The following SF3A3 variants were observed in gnomAD, a reference collection of about 807,000 sequenced individuals.
The protein encoded by SF3A3 is splicing factor 3a subunit 3, also known as SAP 61.
In SF3A3, 9 loss-of-function variants were observed where a neutral mutation model predicts 85.8. The ratio of observed to expected loss-of-function variants is 0.10; its 90% CI spans 0.06 to 0.18. The LOEUF (loss-of-function observed/expected upper bound fraction) is 0.18. SF3A3 is among the 10% of genes least tolerant of loss of function. The pLI, the probability that SF3A3 is intolerant of heterozygous loss-of-function variation, is 1.00. For synonymous variants in SF3A3, 195 were observed against 204.4 expected (o/e 0.95, Z 0.39); for missense variants, 306 against 593.3 (o/e 0.52, Z 5.03).
At chr1:37,984,900 C>T (rs996524919) in intron 4 of SF3A3, 121 bp from the exon 5 acceptor site, 84 of 731,960 alleles carry the variant, frequency 1.1e-4, no homozygotes, top group African/African-American at 1.0e-3. Context: ...CTCTACCTCC[C>T]GGGTTCAAGC....
chr1:37,974,555 G>A (rs1440690269), intron 12 of SF3A3, among the ~76,000 whole-genome samples: 1 of 151,972 alleles, frequency 6.6e-6, no homozygotes, highest in African/African-American at 2.4e-5. Flanking sequence ...GCCCGCCTTG[G>A]CCTCACAAAG....
At chr1:37,985,418 T>G (rs932355228) in intron 4 of SF3A3, among the ~76,000 whole-genome samples, 3 of 151,908 alleles carry the variant, frequency 2.0e-5, no homozygotes, top group Non-Finnish European at 4.4e-5. Context: ...GGGAGTTTTT[T>G]TTTTAAATCC....
chr1:37,987,564 A>G lies in SF3A3; in HGVS notation c.303+9T>C. ...TAGGTCTGGAGAAAATACTTTTCTG[A>G]GGACATACCTCATTTGGGTGCTTCC... On this transcript the variant is annotated intron_variant, in intron 4 of 16. Transcript: ENST00000373019. 6.3e-7 allele frequency: 1 copy of G among 1,591,306 alleles called. No homozygotes were observed. Among genetic ancestry groups the G allele is most frequent in the African/African-American group, 1.3e-5 (1 of 74,584 alleles).
In SF3A3 at chr1:37,970,698, G is replaced by A. The variant is rs180723030; in HGVS notation, c.1006-963C>T. The stretch of plus-strand genomic sequence containing the variant: ...CAGTCAAACTAGAACTCAGGATTAA[G>A]AAACTCACTCAAAACCGCTCAACTA... On this transcript the variant is annotated intron_variant, in intron 12 of 16. Coordinates refer to ENST00000373019, the MANE Select transcript of SF3A3 (RefSeq NM_006802.4). Among the ~76,000 whole-genome samples the A allele has an allele frequency of 1.5e-3, 234 of 152,264 alleles. 1 individual carries two copies. The highest frequency in any genetic ancestry group is 2.5e-3 in the Non-Finnish European group (171 of 68,032).
chr1:37,989,752 C>T, intron 1 of SF3A3, 118 bp downstream of exon 1: 1 of 1,215,364 alleles, frequency 8.2e-7, no homozygotes, highest in Non-Finnish European at 1.2e-6. Context: ...GACCGGAGCT[C>T]GGAGAGGGAG....
chr1:37,977,920 G>C (rs1482334072), intron 11 of SF3A3, among the ~76,000 whole-genome samples: 1 of 152,174 alleles, frequency 6.6e-6, no homozygotes, highest in East Asian at 1.9e-4. Context: ...GGGAGGCTGA[G>C]GCAGCAGAAT....
chr1:37,976,849 AT>A (rs1233499393), intron 12 of SF3A3, 34 bp downstream of exon 12: 1 of 1,316,320 alleles, frequency 7.6e-7, no homozygotes, highest in South Asian at 1.2e-5. Flanking sequence ...CCTGTGCTTT[AT>A]ACCATTTTCC....
At chr1:37,960,422 CAG>C (rs1646248935) in intron 15 of SF3A3, 1 of 475,830 alleles carries the variant, frequency 2.1e-6, no homozygotes, top group South Asian at 4.2e-5. Context: ...CCTCCGAAAA[CAG>C]AGAAACTGAT....
intron 6 of SF3A3, 94 bp from the exon 7 acceptor site, chr1:37,981,905 G>T: frequency 2.6e-6 from 2 of 757,468 alleles, no homozygotes; most frequent in Non-Finnish European, 4.3e-6. Context: ...TCAAAATTGA[G>T]TGTTTTCTAA....
intron 11 of SF3A3, among the ~76,000 whole-genome samples, chr1:37,978,336 CAAA>C (rs370121360): frequency 2.7e-5 from 2 of 75,008 alleles, no homozygotes; most frequent in Non-Finnish European, 2.8e-5. Flanking sequence ...GAGACTGTCT[CAAA>C]AAAAAAAAAA....
intron 12 of SF3A3, among the ~76,000 whole-genome samples, chr1:37,972,007 G>C (rs1430357339): frequency 6.6e-6 from 1 of 152,098 alleles, no homozygotes; most frequent in Non-Finnish European, 1.5e-5. Flanking sequence ...TTCCGGCCAG[G>C]GCAATCAGGC....
chr1:37,976,024 C>T (rs1388800240), intron 12 of SF3A3, among the ~76,000 whole-genome samples: 1 of 152,030 alleles, frequency 6.6e-6, no homozygotes, highest in African/African-American at 2.4e-5. Flanking sequence ...GGCGTGGTGG[C>T]GCATGCCTGT....
intron 12 of SF3A3, among the ~76,000 whole-genome samples, chr1:37,976,569 T>C (rs575715704): frequency 3.9e-5 from 6 of 152,312 alleles, no homozygotes; most frequent in Middle Eastern, 6.8e-3. Context: ...TTTGAGTGTC[T>C]GCTTTGTGGG....
intron 6 of SF3A3, among the ~76,000 whole-genome samples, chr1:37,983,140 G>A (rs1646431413): frequency 6.6e-6 from 1 of 150,574 alleles, no homozygotes. Context: ...GTTTCTCCAT[G>A]TTGGTCAGGC....
At chr1:37,980,998 C>T (rs976001706) in intron 7 of SF3A3, among the ~76,000 whole-genome samples, 3 of 151,580 alleles carry the variant, frequency 2.0e-5, no homozygotes, top group Non-Finnish European at 4.4e-5. Flanking sequence ...TACAGGCATG[C>T]GCCACCATGC....
chr1:37,969,495 G>C, intron 13 of SF3A3, 31 bp from the exon 14 acceptor site: 2 of 1,612,320 alleles, frequency 1.2e-6, no homozygotes, highest in Non-Finnish European at 1.7e-6. Flanking sequence ...ACAAAACCAA[G>C]AAGTGTTAGC....
chr1:37,989,497 T>C (rs1646479775), intron 2 of SF3A3, 51 bp downstream of exon 2: 3 of 1,597,216 alleles, frequency 1.9e-6, no homozygotes, highest in Non-Finnish European at 2.6e-6. Context: ...ACTTCCCCTC[T>C]CTTTTCCCGC....
At chr1:37,967,784 C>T (rs1239000920) in intron 15 of SF3A3, among the ~76,000 whole-genome samples, 2 of 151,128 alleles carry the variant, frequency 1.3e-5, no homozygotes, top group African/African-American at 2.4e-5. Context: ...CGCTTGCGCC[C>T]GGGAGGCAGA....
intron 11 of SF3A3, 54 bp from the exon 12 acceptor site, chr1:37,977,007 G>A (rs1646383658): frequency 1.6e-6 from 2 of 1,257,746 alleles, no homozygotes; most frequent in African/African-American, 1.5e-5. Context: ...CCATTGTTTT[G>A]TTCCCTATAT....
Sources: gnomAD v4.1 joint callset for allele counts (sites outside exome capture counted in the v4.1 genomes callset) on GRCh38, gnomAD v4.1.1 for gene constraint, MANE v1.5 for transcripts, NCBI Gene and HGNC (gene_info 2026-07-23, HGNC 2026-07-21) for gene names.